Variants in LINGO2 observed in about 807,000 individuals in gnomAD.
The protein encoded by LINGO2 is leucine-rich repeat and immunoglobulin-like domain-containing nogo receptor-interacting protein 2.
A neutral mutation model predicts 30.6 loss-of-function variants in LINGO2; 14 were observed. The ratio of observed to expected loss-of-function variants is 0.46; its 90% CI spans 0.30 to 0.72. The LOEUF (loss-of-function observed/expected upper bound fraction) is 0.72, where lower values mean the gene tolerates loss of function less well. Ranked by LOEUF, LINGO2 falls within the 30% of genes least tolerant of loss-of-function variation. The pLI is 0.07. For synonymous variants in LINGO2, 317 were observed against 288.5 expected (o/e 1.10, Z -1.00); for missense variants, 729 against 751.7 (o/e 0.97, Z 0.35).
At chr9:28,058,010 C>T (rs912691173) in intron 4 of LINGO2, among the ~76,000 whole-genome samples, 1 of 152,018 alleles carries the variant, frequency 6.6e-6, no homozygotes, top group African/African-American at 2.4e-5. Context: ...ACTTTGAAGC[C>T]AAAACCATGA....
chr9:28,981,436 C>T, the LINGO2 span, among the ~76,000 whole-genome samples: 1 of 152,138 alleles, frequency 6.6e-6, no homozygotes, highest in Non-Finnish European at 1.5e-5. Flanking sequence ...CCTTAATGCA[C>T]TCATGAAATT....
At chr9:28,316,080 A>C (rs931502206) in intron 3 of LINGO2, among the ~76,000 whole-genome samples, 1 of 152,106 alleles carries the variant, frequency 6.6e-6, no homozygotes, top group African/African-American at 2.4e-5. Flanking sequence ...CACTTTATAG[A>C]ATTGTCAGAA....
rs1185797744 is a variant in LINGO2 at position 28,102,728 on chromosome 9, A to G, written c.-86-90323T>C. ...AGCCATACGAGTTTGATCCCTTTTTATCACTAATAAGCATAAAAAATGTTC... is the reference window on the plus strand; with the variant it reads ...AGCCATACGAGTTTGATCCCTTTTTGTCACTAATAAGCATAAAAAATGTTC... On this transcript the variant is annotated intron_variant, in intron 4 of 5. Coordinates refer to ENST00000379992, the Ensembl canonical transcript of LINGO2. Among the ~76,000 whole-genome samples, 13 of 152,256 alleles carry G rather than the reference A, an allele frequency of 8.5e-5. 1 individual carries two copies. In the South Asian group the frequency reaches 2.1e-3, roughly 24 times the overall value.
chr9:28,103,086 C>G (rs1042317190), intron 4 of LINGO2, among the ~76,000 whole-genome samples: 2 of 152,068 alleles, frequency 1.3e-5, no homozygotes, highest in African/African-American at 4.8e-5. Flanking sequence ...TAGCATTCTT[C>G]CAAGTTTAGA....
At chr9:28,828,443 A>T in the LINGO2 span, among the ~76,000 whole-genome samples, 3 of 152,194 alleles carry the variant, frequency 2.0e-5, no homozygotes, top group Non-Finnish European at 4.4e-5. Flanking sequence ...AACAATTTCA[A>T]ATATTTATAA....
chr9:28,017,678 G>C (rs1287568654), intron 4 of LINGO2, among the ~76,000 whole-genome samples: 2 of 152,006 alleles, frequency 1.3e-5, no homozygotes, highest in Admixed American at 6.6e-5. Context: ...CTCTACAAAT[G>C]AGAATTTCAA....
At chr9:28,545,659 G>A (rs980549915) in intron 1 of LINGO2, among the ~76,000 whole-genome samples, 3 of 147,886 alleles carry the variant, frequency 2.0e-5, no homozygotes, top group African/African-American at 4.9e-5. Context: ...AGGAAAAAGA[G>A]GGGGGGAACT....
chr9:28,297,919 G>A (rs1316217986), intron 3 of LINGO2, among the ~76,000 whole-genome samples: 6 of 152,160 alleles, frequency 3.9e-5, no homozygotes, highest in African/African-American at 1.4e-4. Context: ...GTGTGCGGGG[G>A]TAGGGGAAGA....
At chr9:28,374,630 A>C (rs1821049168) in intron 2 of LINGO2, among the ~76,000 whole-genome samples, 1 of 152,124 alleles carries the variant, frequency 6.6e-6, no homozygotes, top group Non-Finnish European at 1.5e-5. Context: ...TGGAAGCTCT[A>C]TCCTTTCCTC....
At chr9:28,598,466 A>T (rs1825309133) in intron 1 of LINGO2, among the ~76,000 whole-genome samples, 1 of 128,098 alleles carries the variant, frequency 7.8e-6, no homozygotes, top group South Asian at 2.3e-4. Context: ...AAAAACGCCA[A>T]ATAATGATCT....
Position 28,599,964 on chromosome 9 carries a change from T to C in LINGO2, c.-365+70236A>G, listed in dbSNP as rs79524700. On this transcript the variant is annotated intron_variant, in intron 1 of 5. Coordinates refer to ENST00000379992, the Ensembl canonical transcript of LINGO2. ...AGCATAGGGTTGGAACAAATGTATT[T>C]CCCAACACTGTACTCATTTATTTAC... 5.6e-3 allele frequency among the ~76,000 whole-genome samples: 853 copies of C among 152,216 alleles called. 10 individuals are homozygous for C. Among genetic ancestry groups the C allele is most frequent in the African/African-American group, 0.02 (822 of 41,534 alleles).
intron 5 of LINGO2, among the ~76,000 whole-genome samples, chr9:27,960,790 G>A (rs1011827454): frequency 1.3e-5 from 2 of 151,690 alleles, no homozygotes; most frequent in African/African-American, 2.4e-5. Context: ...GTTGCATTTA[G>A]GGATGTCATT....
chr9:28,915,812 T>C, the LINGO2 span, among the ~76,000 whole-genome samples: 1 of 152,314 alleles, frequency 6.6e-6, no homozygotes, highest in South Asian at 2.1e-4. Context: ...GTTTAGAATC[T>C]AGCAGAGGAG....
At chr9:28,352,268 A>C (rs1465110767) in intron 3 of LINGO2, among the ~76,000 whole-genome samples, 1 of 150,524 alleles carries the variant, frequency 6.6e-6, no homozygotes, top group Admixed American at 6.7e-5. Flanking sequence ...TCTCAGCCCA[A>C]AATCTCCTTA....
intron 3 of LINGO2, among the ~76,000 whole-genome samples, chr9:28,350,008 A>C (rs904915419): frequency 6.6e-6 from 1 of 152,138 alleles, no homozygotes; most frequent in Non-Finnish European, 1.5e-5. Context: ...AGCACTAAAC[A>C]TGGAAAGGAA....
chr9:28,903,644 AATTT>A, the LINGO2 span, among the ~76,000 whole-genome samples: 1 of 151,930 alleles, frequency 6.6e-6, no homozygotes, highest in Admixed American at 6.6e-5. Context: ...ATGCTTGGCT[AATTT>A]ATTTGTTTTT....
At chr9:29,179,363 A>G in the LINGO2 span, among the ~76,000 whole-genome samples, 1 of 151,298 alleles carries the variant, frequency 6.6e-6, no homozygotes, top group Admixed American at 6.6e-5. Context: ...TCTTTCTAGG[A>G]CTCTAAGGAA....
intron 4 of LINGO2, among the ~76,000 whole-genome samples, chr9:28,046,297 CTAGGT>C (rs2133026452): frequency 6.6e-6 from 1 of 152,230 alleles, no homozygotes; most frequent in Non-Finnish European, 1.5e-5. Context: ...AAGAATTTAT[CTAGGT>C]TAGAAGTTCT....
the LINGO2 span, among the ~76,000 whole-genome samples, chr9:28,741,858 G>A: frequency 6.6e-6 from 1 of 151,802 alleles, no homozygotes; most frequent in African/African-American, 2.4e-5. Context: ...GTCTGAAATC[G>A]GAGTCTAGTT....
Sources: gnomAD v4.1 joint callset for allele counts (sites outside exome capture counted in the v4.1 genomes callset) on GRCh38, gnomAD v4.1.1 for gene constraint, MANE v1.5 for transcripts, NCBI Gene and HGNC (gene_info 2026-07-23, HGNC 2026-07-21) for gene names.